The following LSAMP variants were observed in gnomAD, a reference collection of about 807,000 sequenced individuals.
The protein encoded by LSAMP is limbic system associated membrane protein.
A neutral mutation model predicts 38.6 loss-of-function variants in LSAMP; 7 were observed. The observed-to-expected ratio is 0.18, with a 90% CI of 0.10 to 0.34. The LOEUF is 0.34. LSAMP is among the 10% of genes least tolerant of loss of function. The pLI is 1.00. For missense variants in LSAMP, 313 were observed against 420.0 expected (o/e 0.75, Z 2.23); for synonymous variants, 154 against 166.8 (o/e 0.92, Z 0.59).
intron 1 of LSAMP, among the ~76,000 whole-genome samples, chr3:116,392,164 T>G (rs1009778186): frequency 6.6e-6 from 1 of 152,182 alleles, no homozygotes; most frequent in Non-Finnish European, 1.5e-5. Context: ...CACATTCCAC[T>G]GAGCCAGTGG....
At chr3:116,373,200 G>C (rs1480046779) in intron 1 of LSAMP, among the ~76,000 whole-genome samples, 1 of 151,024 alleles carries the variant, frequency 6.6e-6, no homozygotes, top group Non-Finnish European at 1.5e-5. Flanking sequence ...TAAGCAAAAC[G>C]TGTTTTTTAT....
chr3:116,313,126 C>T (rs965372484), intron 1 of LSAMP, among the ~76,000 whole-genome samples: 2 of 152,136 alleles, frequency 1.3e-5, no homozygotes, highest in South Asian at 4.1e-4. Context: ...CACTCTTAAA[C>T]CTCTTGCTTT....
At chr3:115,898,399 T>G (rs972954045) in intron 3 of LSAMP, among the ~76,000 whole-genome samples, 1 of 152,032 alleles carries the variant, frequency 6.6e-6, no homozygotes, top group African/African-American at 2.4e-5. Context: ...AGGTGCACTT[T>G]GGGAAATACT....
chr3:116,101,109 C>T (rs946173948), intron 1 of LSAMP, among the ~76,000 whole-genome samples: 10 of 152,150 alleles, frequency 6.6e-5, no homozygotes, highest in Non-Finnish European at 1.3e-4. Context: ...AAAGAAGTTT[C>T]TAGATAATTA....
At position 116,339,476 on chromosome 3, in the gene LSAMP, T is replaced by A. The variant is rs192127103; in HGVS notation, c.155+105401A>T. On this transcript the variant is annotated intron_variant, in intron 1 of 6. Transcript: ENST00000490035. ...CACAGCCACTAATGAAGTTTTTTTT[T>A]TTATTATTATGATACTGAATTGTAA... is the stretch of plus-strand genomic sequence containing the variant. 2.6e-3 allele frequency among the ~76,000 whole-genome samples: 391 copies of A among 151,966 alleles called. 3 individuals are homozygous for A. The highest frequency in any genetic ancestry group is 0.017 in the Admixed American group (263 of 15,228).
At chr3:116,295,687 T>A (rs1229497682) in intron 1 of LSAMP, among the ~76,000 whole-genome samples, 1 of 152,228 alleles carries the variant, frequency 6.6e-6, no homozygotes, top group African/African-American at 2.4e-5. Flanking sequence ...GAGATATCTG[T>A]CTTTGTGTCT....
At chr3:115,833,051 T>G (rs1015233281) in intron 6 of LSAMP, among the ~76,000 whole-genome samples, 3 of 152,176 alleles carry the variant, frequency 2.0e-5, no homozygotes, top group African/African-American at 7.2e-5. Flanking sequence ...AGAGTCACAG[T>G]GATAATGTAC....
At chr3:116,353,585 T>C (rs1293550355) in intron 1 of LSAMP, among the ~76,000 whole-genome samples, 4 of 152,056 alleles carry the variant, frequency 2.6e-5, no homozygotes, top group Non-Finnish European at 5.9e-5. Flanking sequence ...CTGTACCGAA[T>C]TGAAATGTTA....
At chr3:115,821,333 AC>A (rs2107466025) in intron 6 of LSAMP, among the ~76,000 whole-genome samples, 1 of 152,312 alleles carries the variant, frequency 6.6e-6, no homozygotes, top group South Asian at 2.1e-4. Flanking sequence ...AGGGTACAAC[AC>A]ATTCATAAGG....
At chr3:116,339,045 GC>G (rs1259537907) in intron 1 of LSAMP, among the ~76,000 whole-genome samples, 1 of 151,928 alleles carries the variant, frequency 6.6e-6, no homozygotes, top group Non-Finnish European at 1.5e-5. Flanking sequence ...GATTCTACTT[GC>G]AAATGTAAAG....
intron 1 of LSAMP, among the ~76,000 whole-genome samples, chr3:116,436,791 A>G (rs1485981897): frequency 2.0e-5 from 3 of 151,950 alleles, no homozygotes; most frequent in Admixed American, 6.5e-5. Flanking sequence ...AAGAACTAAA[A>G]CTAGAACTAC....
intron 1 of LSAMP, among the ~76,000 whole-genome samples, chr3:116,231,931 C>T (rs1449229789): frequency 6.6e-6 from 1 of 152,200 alleles, no homozygotes; most frequent in African/African-American, 2.4e-5. Context: ...TGGTAGATCT[C>T]TTAACTTCTG....
chr3:116,005,433 A>T (rs1576300758), intron 3 of LSAMP, among the ~76,000 whole-genome samples: 1 of 152,294 alleles, frequency 6.6e-6, no homozygotes, highest in African/African-American at 2.4e-5. Context: ...CTTACACAGC[A>T]TGATAGAATA....
rs373719502 is a variant in LSAMP, at chr3:116,410,887, A to T, written c.155+33990T>A. On this transcript the variant is annotated intron_variant, in intron 1 of 6. Coordinates refer to ENST00000490035, the MANE Select transcript of LSAMP (RefSeq NM_002338.5). ...TTTTCATAGGGTCTTCTTTTTTGCG[A>T]ACGGAGGGGTCAGCCTCTCCTATAG... Among the ~76,000 whole-genome samples, 12 of 152,190 alleles carry T rather than the reference A, an allele frequency of 7.9e-5. 1 individual carries two copies. Among genetic ancestry groups the T allele is most frequent in the Admixed American group, 5.9e-4 (9 of 15,258 alleles).
chr3:116,249,697 A>G (rs144829578), intron 1 of LSAMP, among the ~76,000 whole-genome samples: 104 of 152,168 alleles, frequency 6.8e-4, no homozygotes, highest in African/African-American at 2.2e-3. Context: ...AGACTCTTTA[A>G]TACATAGTCT....
intron 3 of LSAMP, among the ~76,000 whole-genome samples, chr3:116,002,449 G>C (rs145896766): frequency 6.6e-6 from 1 of 152,318 alleles, no homozygotes. Context: ...GATGCCATCT[G>C]ACAGGCCTTT....
At chr3:115,830,057 T>A (rs1202239713) in intron 6 of LSAMP, among the ~76,000 whole-genome samples, 1 of 152,204 alleles carries the variant, frequency 6.6e-6, no homozygotes, top group Admixed American at 6.5e-5. Flanking sequence ...ATGAAAAATA[T>A]AATTTCTTTC....
intron 3 of LSAMP, among the ~76,000 whole-genome samples, chr3:115,943,658 T>G (rs1367015066): frequency 6.6e-6 from 1 of 152,182 alleles, no homozygotes; most frequent in Non-Finnish European, 1.5e-5. Flanking sequence ...AAATGGGCAT[T>G]TGCCCAAGAG....
chr3:116,247,746 G>A (rs941047011), intron 1 of LSAMP, among the ~76,000 whole-genome samples: 7 of 152,140 alleles, frequency 4.6e-5, no homozygotes, highest in African/African-American at 1.7e-4. Context: ...AGTAACTAAG[G>A]TTTATCACTA....
Sources: allele counts gnomAD v4.1 joint callset (sites outside exome capture counted in the v4.1 genomes callset), GRCh38; gene constraint gnomAD v4.1.1; transcripts MANE v1.5; gene names NCBI Gene and HGNC (gene_info 2026-07-23, HGNC 2026-07-21).